The following DLG2 variants were observed in gnomAD, a reference collection of about 807,000 sequenced individuals.
DLG2 encodes discs large MAGUK scaffold protein 2, also known as disks large homolog 2.
DLG2 carries 45 observed loss-of-function variants against 132.5 expected under a neutral mutation model. The observed-to-expected ratio is 0.34, with a 90% CI of 0.27 to 0.44. The LOEUF is 0.44. DLG2 is among the 20% of genes least tolerant of loss of function. The pLI is 1.00. For synonymous variants in DLG2, 424 were observed against 419.6 expected, an observed-to-expected ratio of 1.01 and a Z score of -0.13; for missense variants, 1,045 against 1,196.9, an observed-to-expected ratio of 0.87 and a Z score of 1.87.
chr11:85,170,754 G>GAA (rs1281212810), intron 4 of DLG2, among the ~76,000 whole-genome samples: 1 of 152,134 alleles, frequency 6.6e-6, no homozygotes, highest in East Asian at 1.9e-4. Flanking sequence ...TGCATTGCAA[G>GAA]AAAACAACAG....
intron 10 of DLG2, among the ~76,000 whole-genome samples, chr11:84,070,845 C>T (rs2096745700): frequency 6.6e-6 from 1 of 152,140 alleles, no homozygotes; most frequent in African/African-American, 2.4e-5. Context: ...AATTCAAGGT[C>T]AACCCAGCCT....
chr11:84,799,550 G>A (rs2075111723), intron 6 of DLG2, among the ~76,000 whole-genome samples: 1 of 152,134 alleles, frequency 6.6e-6, no homozygotes, highest in Non-Finnish European at 1.5e-5. Context: ...TTAAAATTTG[G>A]TGTTCCTCTT....
At chr11:84,906,231 GT>G (rs202160051) in intron 6 of DLG2, among the ~76,000 whole-genome samples, 23 of 116,326 alleles carry the variant, frequency 2.0e-4, no homozygotes, top group African/African-American at 6.5e-4. Context: ...ACAAGTTTTG[GT>G]TTTTTTGTTT....
chr11:83,583,700 T>C (rs1392894546), intron 19 of DLG2, among the ~76,000 whole-genome samples: 1 of 152,234 alleles, frequency 6.6e-6, no homozygotes, highest in Non-Finnish European at 1.5e-5. Flanking sequence ...GATAAGTTTC[T>C]TGAGAACAAG....
At chr11:84,246,207 A>G (rs1259265322) in intron 8 of DLG2, among the ~76,000 whole-genome samples, 1 of 152,230 alleles carries the variant, frequency 6.6e-6, no homozygotes, top group African/African-American at 2.4e-5. Context: ...TATTAAATGG[A>G]GAATTCCAGA....
chr11:84,928,010 G>C (rs1352577773), intron 6 of DLG2, among the ~76,000 whole-genome samples: 1 of 151,934 alleles, frequency 6.6e-6, no homozygotes, highest in Non-Finnish European at 1.5e-5. Context: ...AAGAAAGAGA[G>C]GAAAATTGAT....
intron 11 of DLG2, among the ~76,000 whole-genome samples, chr11:84,018,155 C>T (rs1484847638): frequency 6.6e-6 from 1 of 151,846 alleles, no homozygotes; most frequent in Non-Finnish European, 1.5e-5. Flanking sequence ...TATCTCTTCC[C>T]TCTCCTAGTG....
chr11:85,268,490 C>T (rs1314494580), intron 4 of DLG2, among the ~76,000 whole-genome samples: 1 of 152,168 alleles, frequency 6.6e-6, no homozygotes, highest in Non-Finnish European at 1.5e-5. Context: ...GCCCTGACCA[C>T]CTTGGGCACA....
intron 18 of DLG2, among the ~76,000 whole-genome samples, chr11:83,639,006 C>T (rs2065634321): frequency 6.6e-6 from 1 of 152,226 alleles, no homozygotes; most frequent in Admixed American, 6.5e-5. Flanking sequence ...CTACCATTCA[C>T]ACAGAAAAGG....
intron 6 of DLG2, among the ~76,000 whole-genome samples, chr11:84,959,834 T>C (rs2052280148): frequency 6.6e-6 from 1 of 152,110 alleles, no homozygotes; most frequent in South Asian, 2.1e-4. Context: ...GATGTTCTCT[T>C]GGGCGTGGGA....
intron 8 of DLG2, among the ~76,000 whole-genome samples, chr11:84,172,953 T>G (rs764814237): frequency 1.3e-5 from 2 of 152,188 alleles, no homozygotes; most frequent in Non-Finnish European, 2.9e-5. Flanking sequence ...ACTATGTTTT[T>G]AAAATTTTAA....
At chr11:85,581,519 G>A (rs1272593198) in intron 3 of DLG2, among the ~76,000 whole-genome samples, 2 of 152,134 alleles carry the variant, frequency 1.3e-5, no homozygotes, top group Non-Finnish European at 2.9e-5. Context: ...TCGGGAGGCT[G>A]AGGCAGGGGA....
At chr11:85,226,757 C>T (rs563367540) in intron 4 of DLG2, among the ~76,000 whole-genome samples, 1 of 152,186 alleles carries the variant, frequency 6.6e-6, no homozygotes, top group East Asian at 1.9e-4. Flanking sequence ...ATGTTATTCA[C>T]CAGTCCTGAA....
chr11:85,456,144 A>C (rs1208815983), intron 3 of DLG2, among the ~76,000 whole-genome samples: 1 of 151,992 alleles, frequency 6.6e-6, no homozygotes, highest in Non-Finnish European at 1.5e-5. Flanking sequence ...TTACTGATTC[A>C]ATTTTGGAAT....
intron 3 of DLG2, among the ~76,000 whole-genome samples, chr11:85,593,145 G>C (rs772253417): frequency 5.3e-5 from 8 of 152,072 alleles, no homozygotes; most frequent in Non-Finnish European, 1.2e-4. Flanking sequence ...AAGTACTCAA[G>C]ATATGTCCCA....
intron 6 of DLG2, among the ~76,000 whole-genome samples, chr11:84,976,317 T>C (rs1197159116): frequency 6.6e-6 from 1 of 152,242 alleles, no homozygotes; most frequent in East Asian, 1.9e-4. Context: ...CCAATTGAAC[T>C]AATTAAACAG....
intron 14 of DLG2, among the ~76,000 whole-genome samples, chr11:83,958,087 A>C (rs2087386601): frequency 6.6e-6 from 1 of 152,212 alleles, no homozygotes; most frequent in Non-Finnish European, 1.5e-5. Flanking sequence ...CAGTTTGTTC[A>C]CCATTGTGAC....
intron 7 of DLG2, among the ~76,000 whole-genome samples, chr11:84,436,039 C>G (rs990117844): frequency 5.3e-5 from 8 of 152,138 alleles, no homozygotes; most frequent in Non-Finnish European, 1.2e-4. Flanking sequence ...TGCAAAATTA[C>G]TTGAAAGTCA....
chr11:85,111,392 G>C lies in DLG2; in HGVS notation c.357+269C>G, dbSNP rs11827460. 9.6e-3 allele frequency among the ~76,000 whole-genome samples: 1,463 copies of C among 152,126 alleles called. 20 individuals carry two copies. The highest frequency in any genetic ancestry group is 0.032 in the African/African-American group (1,326 of 41,516). On this transcript the variant is annotated intron_variant, in intron 6 of 27. Transcript: ENST00000376104. Reference sequence around the variant, plus strand: ...GAAAAACATATGTGCAAATATATTCGTTTTAATGACCTTCCAACTCTAACT... The same window carrying C: ...GAAAAACATATGTGCAAATATATTCCTTTTAATGACCTTCCAACTCTAACT...
Sources: allele counts gnomAD v4.1 joint callset (sites outside exome capture counted in the v4.1 genomes callset), GRCh38; gene constraint gnomAD v4.1.1; transcripts MANE v1.5; gene names NCBI Gene and HGNC (gene_info 2026-07-23, HGNC 2026-07-21).